The following CSMD1 variants were observed in gnomAD, a reference collection of about 807,000 sequenced individuals.
The protein encoded by CSMD1 is CUB and sushi domain-containing protein 1.
In CSMD1, 213 loss-of-function variants were observed where a neutral mutation model predicts 417.5. That is an observed-to-expected ratio of 0.51 (90% CI 0.46 to 0.57). The LOEUF (loss-of-function observed/expected upper bound fraction) is 0.57, where lower values mean the gene tolerates loss of function less well. Among genes scored for constraint, CSMD1 ranks in the 20% least tolerant of loss-of-function variants. The pLI, the probability that CSMD1 is intolerant of heterozygous loss-of-function variation, is 0.00. For missense variants in CSMD1, 6,923 were observed against 4,529.7 expected (o/e 1.53, Z -15.17); for synonymous variants, 2,862 against 1,736.8 (o/e 1.65, Z -16.11).
intron 3 of CSMD1, among the ~76,000 whole-genome samples, chr8:4,382,067 G>T (rs550391309): frequency 6.6e-6 from 1 of 152,286 alleles, no homozygotes; most frequent in Non-Finnish European, 1.5e-5. Flanking sequence ...GGGACTCTCA[G>T]CCATGACTTT....
At chr8:4,446,070 T>C (rs62481014) in intron 2 of CSMD1, among the ~76,000 whole-genome samples, 11,808 of 152,254 alleles carry the variant, frequency 0.078, 672 homozygotes, top group Non-Finnish European at 0.11. Context: ...GGCTGTTTCA[T>C]AGGCGGAAGG....
chr8:3,387,770 C>T lies in CSMD1; in HGVS notation c.2594-88G>A, dbSNP rs762869447. 5.6e-6 allele frequency: 6 copies of T among 1,077,804 alleles called. No homozygotes were observed. The South Asian group carries it at 8.0e-5, about 14-fold the overall frequency. The allele number at this position is 1,077,804 out of a possible 1,614,324, so 66.8% of individuals were successfully genotyped here. On this transcript the variant is annotated intron_variant, in intron 17 of 69. Transcript: ENST00000635120. Reference sequence around the variant, plus strand: ...CCCACGCCATCAACTACGAAATAGTCTCAGAAATAATAAGACCTGAAACAT... The same window carrying T: ...CCCACGCCATCAACTACGAAATAGTTTCAGAAATAATAAGACCTGAAACAT...
chr8:4,173,439 G>A (rs1183657686), intron 3 of CSMD1, among the ~76,000 whole-genome samples: 2 of 152,076 alleles, frequency 1.3e-5, no homozygotes, highest in Non-Finnish European at 2.9e-5. Flanking sequence ...GTCACCAGAG[G>A]ACGTTACTGA....
intron 20 of CSMD1, among the ~76,000 whole-genome samples, chr8:3,363,646 G>C (rs1417145797): frequency 1.3e-5 from 2 of 152,132 alleles, no homozygotes; most frequent in East Asian, 3.9e-4. Flanking sequence ...TCCTGCCTCA[G>C]TCTCCTGAGT....
chr8:4,666,335 GA>G (rs1804929916), intron 1 of CSMD1, among the ~76,000 whole-genome samples: 1 of 152,190 alleles, frequency 6.6e-6, no homozygotes, highest in African/African-American at 2.4e-5. Flanking sequence ...TATAATCAGA[GA>G]GGGCTTTTAA....
At position 3,293,653 on chromosome 8, in the gene CSMD1, C is replaced by G. The variant is rs2165653; in HGVS notation, c.3951-9307G>C. ...AGGCTTGTGCATTTGTCACGTAGTC[C>G]TCGTGCCTTGGTTTTCAGCTACATC... On this transcript the variant is annotated intron_variant, in intron 25 of 69. Coordinates refer to ENST00000635120, the MANE Select transcript of CSMD1 (RefSeq NM_033225.6). Among the ~76,000 whole-genome samples, 602 of 152,116 alleles carry G rather than the reference C, an allele frequency of 4.0e-3. 1 individual carries two copies. Among genetic ancestry groups the G allele is most frequent in the Non-Finnish European group, 6.2e-3 (419 of 68,002 alleles).
intron 2 of CSMD1, among the ~76,000 whole-genome samples, chr8:4,438,742 G>A (rs927654376): frequency 6.6e-6 from 1 of 152,154 alleles, no homozygotes; most frequent in Non-Finnish European, 1.5e-5. Context: ...CAAATATTTG[G>A]TTACAAATGA....
chr8:3,591,842 G>C (rs1400355507), intron 8 of CSMD1, among the ~76,000 whole-genome samples: 2 of 152,108 alleles, frequency 1.3e-5, no homozygotes, highest in African/African-American at 4.8e-5. Context: ...TAGGTACATA[G>C]ATTAGATAGA....
At chr8:4,924,600 T>A (rs1401338663) in intron 1 of CSMD1, among the ~76,000 whole-genome samples, 1 of 151,186 alleles carries the variant, frequency 6.6e-6, no homozygotes, top group East Asian at 2.0e-4. Flanking sequence ...CCCGTGCCTG[T>A]AATCCCAGCT....
chr8:4,309,132 T>C (rs896293059), intron 3 of CSMD1, among the ~76,000 whole-genome samples: 1 of 152,174 alleles, frequency 6.6e-6, no homozygotes, highest in Non-Finnish European at 1.5e-5. Context: ...AGGGTGTACT[T>C]TGCACACACA....
rs1438154727 is a variant in CSMD1 at position 3,658,606 on chromosome 8, A to C, written c.1010-41809T>G. Among the ~76,000 whole-genome samples the C allele has an allele frequency of 2.6e-5, 4 of 151,806 alleles. No homozygotes were observed. The East Asian group carries it at 7.8e-4, about 30-fold the overall frequency. ...GAGACCAGCTTGGCCAACATGACAA[A>C]ACCCCATCTCTACTAAAAATACAAA... On this transcript the variant is annotated intron_variant, in intron 7 of 69. Transcript: ENST00000635120.
At chr8:4,050,033 G>T (rs1226453569) in intron 3 of CSMD1, among the ~76,000 whole-genome samples, 1 of 152,168 alleles carries the variant, frequency 6.6e-6, no homozygotes, top group Admixed American at 6.5e-5. Flanking sequence ...GTTGCGGCCA[G>T]ATATTCTGTG....
At chr8:4,388,231 G>C (rs964319657) in intron 3 of CSMD1, among the ~76,000 whole-genome samples, 1 of 151,736 alleles carries the variant, frequency 6.6e-6, no homozygotes, top group Non-Finnish European at 1.5e-5. Flanking sequence ...CGTGTTTACA[G>C]TGGAATTCAC....
At chr8:3,897,971 T>C (rs554099903) in intron 5 of CSMD1, among the ~76,000 whole-genome samples, 9 of 152,212 alleles carry the variant, frequency 5.9e-5, no homozygotes, top group Non-Finnish European at 1.3e-4. Context: ...AAAATCAAAA[T>C]CTAGTCACGG....
intron 3 of CSMD1, among the ~76,000 whole-genome samples, chr8:4,378,421 T>C (rs1802890906): frequency 6.6e-6 from 1 of 152,226 alleles, no homozygotes; most frequent in Non-Finnish European, 1.5e-5. Context: ...AAGAGCATGA[T>C]ATCAATTGTA....
chr8:3,311,202 A>C (rs1805317727), intron 23 of CSMD1, among the ~76,000 whole-genome samples: 1 of 152,170 alleles, frequency 6.6e-6, no homozygotes, highest in South Asian at 2.1e-4. Context: ...AAGCCTATTT[A>C]TTTTATAAGA....
intron 5 of CSMD1, among the ~76,000 whole-genome samples, chr8:3,912,059 T>C (rs1433812426): frequency 6.6e-5 from 10 of 152,220 alleles, no homozygotes; most frequent in Non-Finnish European, 1.5e-4. Context: ...CCACCTTTTA[T>C]ATTTGACTGA....
intron 2 of CSMD1, among the ~76,000 whole-genome samples, chr8:4,530,831 C>T (rs1000519802): frequency 1.3e-5 from 2 of 151,952 alleles, no homozygotes; most frequent in Non-Finnish European, 1.5e-5. Flanking sequence ...CTACTATAGG[C>T]AGCGCTTTCT....
At position 3,574,938 on chromosome 8, in the gene CSMD1, G is replaced by C. The variant is rs754763751; in HGVS notation, c.1344+7C>G. 2.5e-6 allele frequency: 4 copies of C among 1,611,916 alleles called. No individual in the cohort carries two copies. The highest frequency in any genetic ancestry group is 3.4e-6 in the Non-Finnish European group (4 of 1,179,584). ...ATTAACCACAGGGGTTGGAGGCGGA[G>C]CCTTACCTTGTCCGGGTCGGTGGTG... is the stretch of plus-strand genomic sequence containing the variant. On this transcript the variant is annotated splice_region_variant and intron_variant, in intron 10 of 69. Transcript: ENST00000635120.
Sources: allele counts gnomAD v4.1 joint callset (sites outside exome capture counted in the v4.1 genomes callset), GRCh38; gene constraint gnomAD v4.1.1; transcripts MANE v1.5; gene names NCBI Gene and HGNC (gene_info 2026-07-23, HGNC 2026-07-21).